Variants in ACACB observed in about 807,000 individuals in gnomAD.
The protein encoded by ACACB is acetyl-CoA carboxylase beta, also known as acetyl-CoA carboxylase 2.
A neutral mutation model predicts 278.8 loss-of-function variants in ACACB; 209 were observed. That is an observed-to-expected ratio of 0.75 (90% CI 0.67 to 0.84). The LOEUF (loss-of-function observed/expected upper bound fraction) is 0.84, where lower values mean the gene tolerates loss of function less well. ACACB is among the 40% of genes least tolerant of loss of function. The pLI is 0.00. For missense variants in ACACB, 2,850 were observed against 3,269.0 expected (o/e 0.87, Z 3.13); for synonymous variants, 1,174 against 1,285.6 (o/e 0.91, Z 1.86).
At chr12:109,179,832 T>G in intron 10 of ACACB, 85 bp from the exon 11 acceptor site, 1 of 1,450,566 alleles carries the variant, frequency 6.9e-7, no homozygotes. Context: ...TCAGTCTGCA[T>G]TTGGTGAAGG....
Position 109,264,144 on chromosome 12 carries a change from G to C in ACACB, c.6788-88G>C, listed in dbSNP as rs538259211. The C allele has an allele frequency of 4.4e-5, 62 of 1,421,240 alleles. No homozygotes were observed. In the South Asian group the frequency reaches 7.4e-4, roughly 17 times the overall value. 88.0% of individuals were successfully genotyped at this position (1,421,240 alleles called of 1,614,324 possible). On this transcript the variant is annotated intron_variant, in intron 49 of 52. Transcript: ENST00000338432. Reference sequence around the variant, plus strand: ...AGGCCTGTCCTGCAAATCCTGATTTGTGCCTTCTTCAAAAAAAAAAAAAAA... The same window carrying C: ...AGGCCTGTCCTGCAAATCCTGATTTCTGCCTTCTTCAAAAAAAAAAAAAAA...
chr12:109,172,175 G>A, intron 5 of ACACB, 100 bp from the exon 6 acceptor site: 1 of 1,136,636 alleles, frequency 8.8e-7, no homozygotes, highest in Admixed American at 1.9e-5. Context: ...TCCTGCCTTG[G>A]CCTCCCAAAC....
chr12:109,265,023 C>T (rs927288201), intron 50 of ACACB, 87 bp from the exon 51 acceptor site: 11 of 1,446,194 alleles, frequency 7.6e-6, no homozygotes, highest in Admixed American at 4.3e-5. Flanking sequence ...GGCCCAGCCC[C>T]GGGCAGCCAC....
In ACACB at chr12:109,196,173, TGTA is replaced by T. The variant is rs2045121931; in HGVS notation, c.2482-832_2482-830del. ...GGCAGGCGCTCTTCCTGGAGGGAGA[TGTA>T]GTGCTGGGGCCAGGGCTTGGCTGTG... On this transcript the variant is annotated intron_variant, in intron 16 of 52. Transcript: ENST00000338432. Among the ~76,000 whole-genome samples the T allele has an allele frequency of 2.6e-5, 4 of 152,078 alleles. No individual in the cohort carries two copies. The South Asian group carries it at 8.3e-4, about 32-fold the overall frequency.
intron 11 of ACACB, among the ~76,000 whole-genome samples, chr12:109,180,718 G>A (rs533808745): frequency 7.1e-4 from 107 of 151,718 alleles, no homozygotes; most frequent in African/African-American, 2.4e-3. Flanking sequence ...GCTCACTGCA[G>A]CCTCCGCCTC....
chr12:109,220,533 GTGTTGT>G (rs113239494), intron 24 of ACACB, among the ~76,000 whole-genome samples: 14 of 151,974 alleles, frequency 9.2e-5, no homozygotes, highest in African/African-American at 2.2e-4. Flanking sequence ...AAGAAAAATG[GTGTTGT>G]TGTTGTTGTT....
intron 37 of ACACB, among the ~76,000 whole-genome samples, chr12:109,244,551 G>A (rs61934341): frequency 0.16 from 24,350 of 152,144 alleles, 2,357 homozygotes; most frequent in East Asian, 0.28. Context: ...TGAACCAGAA[G>A]CAAATCCATC....
intron 4 of ACACB, 68 bp from the exon 5 acceptor site, chr12:109,171,737 T>C: frequency 8.4e-7 from 1 of 1,195,514 alleles, no homozygotes. Flanking sequence ...TAGTCACATC[T>C]TGTAATGTTC....
intron 1 of ACACB, among the ~76,000 whole-genome samples, chr12:109,122,017 C>G (rs1348618640): frequency 2.0e-5 from 3 of 152,106 alleles, no homozygotes; most frequent in Non-Finnish European, 4.4e-5. Context: ...AAGAGATAAC[C>G]ATGCAAAGGA....
chr12:109,256,285 T>C (rs375073720), intron 45 of ACACB, 49 bp downstream of exon 45: 24 of 1,542,530 alleles, frequency 1.6e-5, no homozygotes, highest in Middle Eastern at 1.7e-4. Flanking sequence ...TCACCAGGCA[T>C]TGGGGCCCCG....
intron 24 of ACACB, among the ~76,000 whole-genome samples, chr12:109,221,053 C>G (rs779791521): frequency 5.3e-5 from 8 of 152,084 alleles, no homozygotes; most frequent in Non-Finnish European, 1.0e-4. Context: ...GAGCCACATG[C>G]CTAGGGGATT....
chr12:109,221,521 G>A (rs960505068), intron 24 of ACACB, among the ~76,000 whole-genome samples: 3 of 152,210 alleles, frequency 2.0e-5, no homozygotes, highest in Non-Finnish European at 4.4e-5. Flanking sequence ...TCTTTCAGAA[G>A]CAGAGAGGAG....
Position 109,167,888 on chromosome 12 carries a change from C to T in ACACB, c.787-8C>T, listed in dbSNP as rs1431383369. On this transcript the variant is annotated splice_polypyrimidine_tract_variant and splice_region_variant and intron_variant, in intron 3 of 52. Coordinates refer to ENST00000338432, the MANE Select transcript of ACACB (RefSeq NM_001093.4). The stretch of plus-strand genomic sequence containing the variant: ...CATCTACAGCTCCTTCCTTGTCTTC[C>T]CATGCAGGTGCTTATTGCCAACAAC... 2 of 1,613,896 alleles carry T rather than the reference C, an allele frequency of 1.2e-6. No individual in the cohort carries two copies. Among genetic ancestry groups the T allele is most frequent in the East Asian group, 4.5e-5 (2 of 44,834 alleles).
Position 109,185,569 on chromosome 12 carries a change from T to C in ACACB, c.1819-10T>C, listed in dbSNP as rs111310399. 2.5e-6 allele frequency: 4 copies of C among 1,613,304 alleles called. No homozygotes were observed. Among genetic ancestry groups the C allele is most frequent in the African/African-American group, 2.7e-5 (2 of 75,056 alleles). ...ACTGACAGTCTGTGGGTTGGATCTC[T>C]TGATTTTAGATCGCCATGGGCGTGC... is the stretch of plus-strand genomic sequence containing the variant. On this transcript the variant is annotated splice_polypyrimidine_tract_variant and intron_variant, in intron 11 of 52. Transcript: ENST00000338432.
In ACACB at chr12:109,145,783, A is replaced by G. The variant is rs1044745666; in HGVS notation, c.653+5725A>G. Among the ~76,000 whole-genome samples, 12 of 151,920 alleles carry G rather than the reference A, an allele frequency of 7.9e-5. No homozygotes were observed. In the East Asian group the frequency reaches 2.3e-3, roughly 29 times the overall value. ...TGGGAGGCCGAGGGGGGCGGATCACAAGGTCAGGAGTTTGAGACCAGCCTG... is the reference window on the plus strand; with the variant it reads ...TGGGAGGCCGAGGGGGGCGGATCACGAGGTCAGGAGTTTGAGACCAGCCTG... On this transcript the variant is annotated intron_variant, in intron 2 of 52. Coordinates refer to ENST00000338432, the MANE Select transcript of ACACB (RefSeq NM_001093.4).
intron 16 of ACACB, among the ~76,000 whole-genome samples, chr12:109,195,519 T>C (rs2045091810): frequency 6.6e-6 from 1 of 152,130 alleles, no homozygotes; most frequent in Non-Finnish European, 1.5e-5. Flanking sequence ...TGTAGAAAAT[T>C]TCAAAATTTC....
At chr12:109,165,763 C>T (rs2043876124) in intron 2 of ACACB, among the ~76,000 whole-genome samples, 1 of 152,028 alleles carries the variant, frequency 6.6e-6, no homozygotes, top group African/African-American at 2.4e-5. Context: ...TGGAGGGGAG[C>T]CGATGGGGTG....
intron 2 of ACACB, among the ~76,000 whole-genome samples, chr12:109,154,231 G>A (rs1383909126): frequency 2.1e-4 from 32 of 152,248 alleles, no homozygotes; most frequent in Admixed American, 2.1e-3. Flanking sequence ...GTGGTGCAAA[G>A]TGCGTGCTAG....
chr12:109,264,290 C>G lies in ACACB; in HGVS notation c.6846C>G (p.Arg2282=). The G allele has an allele frequency of 6.2e-7, 1 of 1,614,156 alleles. No individual in the cohort carries two copies. Among genetic ancestry groups the G allele is most frequent in the South Asian group, 1.1e-5 (1 of 91,084 alleles). The change falls in exon 50 of 53, where the codon CGC becomes CGG. Residue 2282 remains arginine (R), a synonymous_variant. Transcript: ENST00000338432. ...ACCTGGAGGGCCGGCTAAAGGCTCG[C>G]GAGGACCTGCTGCTCCCCATCTACC... is the stretch of plus-strand genomic sequence containing the variant. ...RKDLEGRLKA[R]EDLLLPIYHQ...
Sources: allele counts gnomAD v4.1 joint callset (sites outside exome capture counted in the v4.1 genomes callset), GRCh38; gene constraint gnomAD v4.1.1; transcripts MANE v1.5; gene names NCBI Gene and HGNC (gene_info 2026-07-23, HGNC 2026-07-21).